ZNF69: variants seen among roughly 807,000 people sequenced by gnomAD.
The protein encoded by ZNF69 is zinc finger protein 69, also known as ZNF3.
In ZNF69, 47 loss-of-function variants were observed where a neutral mutation model predicts 50.9. The ratio of observed to expected loss-of-function variants is 0.92; its 90% CI spans 0.73 to 1.18. ZNF69 has a LOEUF of 1.18. Among genes scored for constraint, ZNF69 ranks in the 50% most tolerant of loss-of-function variants. The probability of loss-of-function intolerance (pLI) is 0.00; values close to 1 mark genes in which losing one functional copy is unlikely to be tolerated. For missense variants in ZNF69, 717 were observed against 675.1 expected (o/e 1.06, Z -0.69); for synonymous variants, 216 against 223.1 (o/e 0.97, Z 0.29).
chr19:11,925,518 C>T, the ZNF69 span, among the ~76,000 whole-genome samples: 1 of 151,684 alleles, frequency 6.6e-6, no homozygotes, highest in Non-Finnish European at 1.5e-5. Context: ...CCGGAGCCCT[C>T]TCTGGGCAGT....
chr19:11,889,283 G>A (rs1418823861), intron 1 of ZNF69, among the ~76,000 whole-genome samples: 2 of 152,256 alleles, frequency 1.3e-5, no homozygotes, highest in East Asian at 3.9e-4. Flanking sequence ...TGTTTTTCCA[G>A]TCAGATAATG....
chr19:11,972,599 A>G, the ZNF69 span, among the ~76,000 whole-genome samples: 6 of 152,328 alleles, frequency 3.9e-5, no homozygotes, highest in South Asian at 6.2e-4. Flanking sequence ...CACATTTTTT[A>G]TGCAAATGAT....
chr19:11,916,354 C>T (rs1022564630), downstream of ZNF69, among the ~76,000 whole-genome samples: 3 of 152,172 alleles, frequency 2.0e-5, no homozygotes, highest in Admixed American at 2.0e-4. Flanking sequence ...TTGGCTCATG[C>T]CTGTAATCCC....
At chr19:11,955,811 T>C in the ZNF69 span, among the ~76,000 whole-genome samples, 2 of 152,342 alleles carry the variant, frequency 1.3e-5, no homozygotes, top group Non-Finnish European at 2.9e-5. Context: ...CTCTTCCTGT[T>C]ATCTGTGGGG....
chr19:11,897,704 C>G (rs1972155799), intron 1 of ZNF69, among the ~76,000 whole-genome samples: 4 of 151,346 alleles, frequency 2.6e-5, no homozygotes, highest in Admixed American at 2.0e-4. Context: ...ATCCCCGCCT[C>G]TACTAAAAAT....
chr19:11,927,489 TTC>T, the ZNF69 span, among the ~76,000 whole-genome samples: 6 of 151,952 alleles, frequency 3.9e-5, no homozygotes, highest in Non-Finnish European at 8.8e-5. Context: ...AAGAAAAAGC[TTC>T]TCTGTTTCAG....
intron 1 of ZNF69, among the ~76,000 whole-genome samples, chr19:11,894,130 A>T (rs1386651279): frequency 6.6e-6 from 1 of 152,208 alleles, no homozygotes; most frequent in Non-Finnish European, 1.5e-5. Context: ...CTCCCGTGTG[A>T]AAATTTGTAT....
At chr19:11,965,259 G>T in the ZNF69 span, 1 of 1,611,938 alleles carries the variant, frequency 6.2e-7, no homozygotes, top group Non-Finnish European at 8.5e-7. Context: ...AGGCTGCCTG[G>T]AACCGGCCGG....
At chr19:11,935,066 A>G in the ZNF69 span, among the ~76,000 whole-genome samples, 2 of 143,874 alleles carry the variant, frequency 1.4e-5, no homozygotes, top group Non-Finnish European at 1.5e-5. Flanking sequence ...AGTCCCAGCT[A>G]CTGGGAGGCT....
chr19:11,972,307 G>A, the ZNF69 span, among the ~76,000 whole-genome samples: 2 of 151,640 alleles, frequency 1.3e-5, no homozygotes, highest in Non-Finnish European at 2.9e-5. Flanking sequence ...AAAAAGGGAA[G>A]AAAAGAAAAA....
intron 1 of ZNF69, among the ~76,000 whole-genome samples, chr19:11,898,776 GA>G (rs1972182424): frequency 1.3e-5 from 2 of 152,252 alleles, no homozygotes; most frequent in South Asian, 4.1e-4. Flanking sequence ...AAAGCAGGAG[GA>G]TAGCTTGGAC....
chr19:11,933,848 A>G, the ZNF69 span, among the ~76,000 whole-genome samples: 11,455 of 139,722 alleles, frequency 0.082, 1,776 homozygotes, highest in African/African-American at 0.22. Flanking sequence ...CCATCTCAGA[A>G]AAAAAAAAAA....
At chr19:11,949,103 G>C in the ZNF69 span, 9 of 1,612,124 alleles carry the variant, frequency 5.6e-6, no homozygotes, top group African/African-American at 6.7e-5. Flanking sequence ...TCTGGAGAAA[G>C]ACCTTATAAA....
the ZNF69 span, among the ~76,000 whole-genome samples, chr19:11,969,791 C>T: frequency 6.6e-6 from 1 of 152,172 alleles, no homozygotes; most frequent in African/African-American, 2.4e-5. Context: ...AGACATTTGC[C>T]TGAAAAATCC....
At chr19:11,951,038 C>T in the ZNF69 span, among the ~76,000 whole-genome samples, 1 of 150,362 alleles carries the variant, frequency 6.7e-6, no homozygotes, top group South Asian at 2.1e-4. Context: ...GTAGTCCCAG[C>T]TTCTCGGGAG....
chr19:11,916,240 A>C (rs542214065), downstream of ZNF69, among the ~76,000 whole-genome samples: 3 of 152,204 alleles, frequency 2.0e-5, no homozygotes, highest in East Asian at 5.8e-4. Flanking sequence ...GTAAAAATAG[A>C]AATATTAAAT....
At chr19:11,974,099 TTCTTTCTTTCTTTCTTTC>T in the ZNF69 span, among the ~76,000 whole-genome samples, 3 of 96,028 alleles carry the variant, frequency 3.1e-5, no homozygotes, top group Non-Finnish European at 6.3e-5. Context: ...CTTTCTTTCT[TTCTTTCTTTCTTTCTTTC>T]TTTCTTTCTT....
At chr19:11,979,396 A>G in the ZNF69 span, 1 of 1,609,958 alleles carries the variant, frequency 6.2e-7, no homozygotes, top group Non-Finnish European at 8.5e-7. Flanking sequence ...GATCTGCCTC[A>G]CACCTTCAAA....
the ZNF69 span, among the ~76,000 whole-genome samples, chr19:11,946,514 A>G: frequency 1.3e-5 from 2 of 152,040 alleles, no homozygotes; most frequent in African/African-American, 4.8e-5. Flanking sequence ...TGTCCTCTCA[A>G]CCACTGTGGG....
Sources: allele counts gnomAD v4.1 joint callset (sites outside exome capture counted in the v4.1 genomes callset), GRCh38; gene constraint gnomAD v4.1.1; transcripts MANE v1.5; gene names NCBI Gene and HGNC (gene_info 2026-07-23, HGNC 2026-07-21).